ALG6: variants seen among roughly 807,000 people sequenced by gnomAD.
ALG6 encodes the protein dolichyl pyrophosphate Man9GlcNAc2 alpha-1,3-glucosyltransferase.
Under a neutral mutation model 66.6 loss-of-function variants are expected in ALG6, and 46 were observed. The observed-to-expected ratio is 0.69, with a 90% CI of 0.55 to 0.88. The LOEUF is 0.88. ALG6 is among the 40% of genes least tolerant of loss of function. ALG6 has a pLI of 0.00. For synonymous variants in ALG6, 185 were observed against 203.7 expected (o/e 0.91, Z 0.78); for missense variants, 505 against 586.8 (o/e 0.86, Z 1.44).
intron 10 of ALG6, 44 bp from the exon 11 acceptor site, chr1:63,415,829 C>T: frequency 7.8e-7 from 1 of 1,287,742 alleles, no homozygotes; most frequent in Non-Finnish European, 1.1e-6. Flanking sequence ...TAGATTTATA[C>T]CTCTACAAAG....
chr1:63,400,336 CGTATATATATATGTATATATATAT>C (rs1397702873), intron 3 of ALG6, among the ~76,000 whole-genome samples: 3 of 19,612 alleles, frequency 1.5e-4, no homozygotes, highest in Non-Finnish European at 2.9e-4. Flanking sequence ...TATATATATA[CGTATATATATATGTATATATATAT>C]GTATATATAT....
At chr1:63,389,295 CTG>C (rs1648597011) in intron 2 of ALG6, among the ~76,000 whole-genome samples, 1 of 152,054 alleles carries the variant, frequency 6.6e-6, no homozygotes, top group Non-Finnish European at 1.5e-5. Flanking sequence ...TTTCCACTGA[CTG>C]TGTATTTTCA....
intron 12 of ALG6, among the ~76,000 whole-genome samples, chr1:63,421,957 G>T (rs1026289995): frequency 1.3e-5 from 2 of 148,484 alleles, no homozygotes; most frequent in African/African-American, 5.0e-5. Flanking sequence ...ACCATGGCAC[G>T]TGTATACCTA....
intron 3 of ALG6, among the ~76,000 whole-genome samples, chr1:63,399,954 T>C (rs957387689): frequency 1.3e-5 from 2 of 151,548 alleles, no homozygotes; most frequent in African/African-American, 4.9e-5. Context: ...CCCAGCACTT[T>C]GGGAGACCAA....
At position 63,437,807 on chromosome 1, in the gene ALG6, CATTAT is replaced by C. The variant is rs527457175; in HGVS notation, c.*795_*799del. ...TCCAGAACCATTCTGTTTAATTAAA[CATTAT>C]ATTATATATATATTATTATTGACAT... On this transcript the variant is annotated 3_prime_UTR_variant, in exon 15 of 15. Coordinates refer to ENST00000263440, the MANE Select transcript of ALG6 (RefSeq NM_013339.4). The C allele has an allele frequency of 0.2, 30,441 of 151,320 alleles. 3,395 individuals carry two copies. The highest frequency in any genetic ancestry group is 0.31 in the African/African-American group (12,597 of 41,238). 9.4% of individuals were successfully genotyped at this position (151,320 alleles called of 1,614,324 possible).
chr1:63,414,021 C>T lies in ALG6; in HGVS notation c.817-40C>T, dbSNP rs186987371. On this transcript the variant is annotated intron_variant, in intron 9 of 14. Transcript: ENST00000263440. ...ACTTCATGGGTTTTAATATTTCTTT[C>T]AATTATACCAGAATGTAAAGCTAAC... 1.4e-4 allele frequency: 198 copies of T among 1,465,494 alleles called. No homozygotes were observed. In the African/African-American group the frequency reaches 2.5e-3, roughly 19 times the overall value. 90.8% of individuals were successfully genotyped at this position (1,465,494 alleles called of 1,614,324 possible).
At position 63,396,515 on chromosome 1, in the gene ALG6, G is replaced by A; in HGVS notation, c.85G>A (p.Ala29Thr). ...WTVSLNSYSG[A>T]GKPPMFGDYE... Reference sequence around the variant, plus strand: ...GCTCTTTTTACCTTTGATCTTAGGTGCTGGTAAACCGCCTATGTTTGGTGA... The same window carrying A: ...GCTCTTTTTACCTTTGATCTTAGGTACTGGTAAACCGCCTATGTTTGGTGA... The change falls in exon 3 of 15, where the codon GCT becomes ACT. Residue 29 changes from alanine (A) to threonine (T), a missense_variant and splice_region_variant. Ala to Thr is a moderately conservative substitution (Grantham distance 58). Transcript: ENST00000263440. The A allele has an allele frequency of 1.9e-6, 3 of 1,613,768 alleles. No homozygotes were observed. The highest frequency in any genetic ancestry group is 2.5e-6 in the Non-Finnish European group (3 of 1,179,740).
At chr1:63,391,412 G>A (rs1417330792) in intron 2 of ALG6, among the ~76,000 whole-genome samples, 2 of 152,146 alleles carry the variant, frequency 1.3e-5, no homozygotes, top group Non-Finnish European at 2.9e-5. Context: ...AGTAGTAAAC[G>A]GGAAACTTGG....
intron 4 of ALG6, 113 bp downstream of exon 4, chr1:63,402,456 TTGTA>T (rs1644469532): frequency 1.7e-6 from 1 of 584,024 alleles, no homozygotes; most frequent in Admixed American, 3.2e-5. Flanking sequence ...GTAGCTGCTA[TTGTA>T]TTTTTTTTTT....
At chr1:63,391,884 T>A (rs1434292618) in intron 2 of ALG6, among the ~76,000 whole-genome samples, 1 of 152,146 alleles carries the variant, frequency 6.6e-6, no homozygotes, top group African/African-American at 2.4e-5. Context: ...AGTAGAAAAA[T>A]TTTGATTTTA....
chr1:63,436,232 T>C (rs1644677780), intron 14 of ALG6, among the ~76,000 whole-genome samples: 2 of 152,182 alleles, frequency 1.3e-5, no homozygotes, highest in Non-Finnish European at 2.9e-5. Context: ...TATTCATTCA[T>C]GTAATGCATG....
intron 7 of ALG6, among the ~76,000 whole-genome samples, chr1:63,407,887 A>G (rs1644497858): frequency 2.6e-5 from 4 of 152,168 alleles, no homozygotes; most frequent in Admixed American, 2.0e-4. Flanking sequence ...CATATATTTT[A>G]TATTCTGTCC....
chr1:63,393,270 TG>T (rs1648724647), intron 2 of ALG6, among the ~76,000 whole-genome samples: 1 of 152,230 alleles, frequency 6.6e-6, no homozygotes, highest in Non-Finnish European at 1.5e-5. Flanking sequence ...ATTAATTCTT[TG>T]GGGAATTCTT....
intron 2 of ALG6, among the ~76,000 whole-genome samples, chr1:63,385,228 C>T (rs1351276705): frequency 8.9e-6 from 1 of 112,278 alleles, no homozygotes; most frequent in African/African-American, 3.4e-5. Context: ...GAGACAGAGT[C>T]TCGCTCTGTC....
intron 2 of ALG6, among the ~76,000 whole-genome samples, chr1:63,380,290 C>T (rs1227226520): frequency 6.6e-6 from 1 of 152,142 alleles, no homozygotes; most frequent in Non-Finnish European, 1.5e-5. Flanking sequence ...CTGTAATGAA[C>T]TGAGGACTGA....
chr1:63,409,337 T>G (rs963460401), intron 7 of ALG6, among the ~76,000 whole-genome samples: 1 of 152,196 alleles, frequency 6.6e-6, no homozygotes, highest in Admixed American at 6.5e-5. Context: ...GTTTTGGATA[T>G]CCAAACCGTA....
At chr1:63,374,536 G>A (rs1057364691) in intron 2 of ALG6, among the ~76,000 whole-genome samples, 30 of 151,904 alleles carry the variant, frequency 2.0e-4, no homozygotes, top group African/African-American at 7.0e-4. Context: ...GATGAGGCAC[G>A]AGAATTGCTT....
At chr1:63,373,483 T>A (rs1648004563) in intron 2 of ALG6, among the ~76,000 whole-genome samples, 1 of 151,364 alleles carries the variant, frequency 6.6e-6, no homozygotes, top group South Asian at 2.1e-4. Context: ...TAATCCCAGC[T>A]GCTGGGGAGG....
At chr1:63,423,441 C>CTTG (rs1187932506) in intron 12 of ALG6, among the ~76,000 whole-genome samples, 1 of 152,156 alleles carries the variant, frequency 6.6e-6, no homozygotes, top group Non-Finnish European at 1.5e-5. Flanking sequence ...GCAAGCATCA[C>CTTG]CACTATCTAC....
Sources: allele counts gnomAD v4.1 joint callset (sites outside exome capture counted in the v4.1 genomes callset), GRCh38; gene constraint gnomAD v4.1.1; transcripts MANE v1.5; gene names NCBI Gene and HGNC (gene_info 2026-07-23, HGNC 2026-07-21).